Variants in ABTB3 observed in about 807,000 individuals in gnomAD.
ABTB3 encodes the protein ankyrin repeat- and BTB/POZ domain-containing protein 3.
chr12:107,657,154 A>G, the ABTB3 span, among the ~76,000 whole-genome samples: 2 of 152,234 alleles, frequency 1.3e-5, no homozygotes, highest in South Asian at 2.1e-4. Flanking sequence ...GATAAACTTC[A>G]TCAAGCTTTA....
the ABTB3 span, among the ~76,000 whole-genome samples, chr12:107,339,240 C>G: frequency 4.4e-4 from 67 of 152,282 alleles, no homozygotes; most frequent in East Asian, 0.012. Context: ...CGATCAAGCT[C>G]TTTCTGAAGG....
the ABTB3 span, among the ~76,000 whole-genome samples, chr12:107,404,855 G>T: frequency 6.6e-6 from 1 of 152,184 alleles, no homozygotes; most frequent in African/African-American, 2.4e-5. Context: ...AATGCCAGCT[G>T]TGTTGAGACA....
chr12:107,402,611 C>T, the ABTB3 span, among the ~76,000 whole-genome samples: 1 of 152,118 alleles, frequency 6.6e-6, no homozygotes, highest in African/African-American at 2.4e-5. Context: ...ACCTTGCTCC[C>T]CCTAGTGCCA....
At chr12:107,557,909 C>G in the ABTB3 span, among the ~76,000 whole-genome samples, 1 of 152,192 alleles carries the variant, frequency 6.6e-6, no homozygotes, top group African/African-American at 2.4e-5. Context: ...GTGTCCAGCC[C>G]TTTGCCAGGG....
At chr12:107,497,882 C>T in the ABTB3 span, among the ~76,000 whole-genome samples, 17 of 152,252 alleles carry the variant, frequency 1.1e-4, no homozygotes, top group East Asian at 2.5e-3. Context: ...TGATTTTTCC[C>T]TCCTCCACAT....
the ABTB3 span, among the ~76,000 whole-genome samples, chr12:107,583,505 A>G: frequency 6.6e-6 from 1 of 152,228 alleles, no homozygotes. Context: ...ACCCAATGAT[A>G]CAACCATGTG....
chr12:107,444,826 C>T, the ABTB3 span, among the ~76,000 whole-genome samples: 1 of 152,128 alleles, frequency 6.6e-6, no homozygotes, highest in African/African-American at 2.4e-5. Flanking sequence ...AAGGTCAGGC[C>T]CCCCGTGAGG....
the ABTB3 span, among the ~76,000 whole-genome samples, chr12:107,407,699 G>C: frequency 6.6e-6 from 1 of 152,194 alleles, no homozygotes; most frequent in African/African-American, 2.4e-5. Flanking sequence ...CATATGGCAA[G>C]AGGCATGAGT....
At chr12:107,570,586 A>G in the ABTB3 span, among the ~76,000 whole-genome samples, 2 of 150,336 alleles carry the variant, frequency 1.3e-5, no homozygotes, top group South Asian at 4.2e-4. Context: ...GGTTTTTGTC[A>G]GTCCATTCTT....
the ABTB3 span, among the ~76,000 whole-genome samples, chr12:107,569,013 C>T: frequency 6.6e-6 from 1 of 152,188 alleles, no homozygotes; most frequent in Non-Finnish European, 1.5e-5. Flanking sequence ...ACATTTAACC[C>T]ATTCTGTCAT....
chr12:107,403,098 A>C, the ABTB3 span, among the ~76,000 whole-genome samples: 3 of 152,160 alleles, frequency 2.0e-5, no homozygotes, highest in African/African-American at 7.2e-5. Flanking sequence ...CGATTGTGTG[A>C]ATACCCTTTA....
chr12:107,358,035 C>T, the ABTB3 span, among the ~76,000 whole-genome samples: 1 of 152,142 alleles, frequency 6.6e-6, no homozygotes, highest in Admixed American at 6.6e-5. Context: ...CTCTCTTTCT[C>T]CTGCAAATAT....
the ABTB3 span, among the ~76,000 whole-genome samples, chr12:107,561,047 G>T: frequency 5.3e-5 from 8 of 152,218 alleles, no homozygotes; most frequent in African/African-American, 1.9e-4. Context: ...TAGGCCAAGT[G>T]TGCTGGCGGA....
the ABTB3 span, among the ~76,000 whole-genome samples, chr12:107,640,675 C>T: frequency 7.2e-4 from 109 of 152,314 alleles, no homozygotes; most frequent in Non-Finnish European, 9.6e-4. Context: ...GCTAGGTGGC[C>T]TTGTGCAGTG....
the ABTB3 span, among the ~76,000 whole-genome samples, chr12:107,467,804 G>A: frequency 2.0e-5 from 3 of 152,046 alleles, no homozygotes; most frequent in Admixed American, 1.3e-4. Flanking sequence ...TACATCAAAG[G>A]TCCCTCCTTT....
At chr12:107,377,044 C>T in the ABTB3 span, among the ~76,000 whole-genome samples, 1 of 152,172 alleles carries the variant, frequency 6.6e-6, no homozygotes, top group African/African-American at 2.4e-5. Flanking sequence ...GATACCCCTT[C>T]AGGACTGAAG....
At chr12:107,332,496 T>G in the ABTB3 span, among the ~76,000 whole-genome samples, 1 of 152,124 alleles carries the variant, frequency 6.6e-6, no homozygotes, top group African/African-American at 2.4e-5. Flanking sequence ...CATCCCTGGT[T>G]CTCGGTGCCT....
the ABTB3 span, among the ~76,000 whole-genome samples, chr12:107,373,031 G>C: frequency 6.6e-6 from 1 of 152,164 alleles, no homozygotes; most frequent in African/African-American, 2.4e-5. Context: ...CCTCTACCCA[G>C]TAGCTGCCAG....
the ABTB3 span, among the ~76,000 whole-genome samples, chr12:107,488,361 A>G: frequency 1.3e-5 from 2 of 152,178 alleles, no homozygotes; most frequent in Admixed American, 6.5e-5. Flanking sequence ...TATATGAATT[A>G]TATCTCAGTA....
Sources: allele counts gnomAD v4.1 joint callset (sites outside exome capture counted in the v4.1 genomes callset), GRCh38; gene constraint gnomAD v4.1.1; transcripts MANE v1.5; gene names NCBI Gene and HGNC (gene_info 2026-07-23, HGNC 2026-07-21).